PNKD: variants seen among roughly 807,000 people sequenced by gnomAD.
The protein encoded by PNKD is probable thioesterase PNKD.
In PNKD, 36 loss-of-function variants were observed where a neutral mutation model predicts 45.3. The observed-to-expected ratio is 0.80, with a 90% confidence interval of 0.61 to 1.05. PNKD has a LOEUF of 1.05. Among genes scored for constraint, PNKD ranks in the 50% least tolerant of loss-of-function variants. The pLI, the probability that PNKD is intolerant of heterozygous loss-of-function variation, is 0.00. For synonymous variants in PNKD, 197 were observed against 210.1 expected, an observed-to-expected ratio of 0.94 and a Z score of 0.54; for missense variants, 511 against 506.6, an observed-to-expected ratio of 1.01 and a Z score of -0.08.
At chr2:218,299,389 G>T (rs947450269) in intron 2 of PNKD, among the ~76,000 whole-genome samples, 1 of 152,154 alleles carries the variant, frequency 6.6e-6, no homozygotes, top group Admixed American at 6.6e-5. Flanking sequence ...TGATCCACCT[G>T]CCTCAGCCTC....
intron 2 of PNKD, among the ~76,000 whole-genome samples, chr2:218,319,371 C>CCTTTT (rs1693914668): frequency 1.2e-5 from 1 of 80,216 alleles, no homozygotes; most frequent in South Asian, 5.0e-4. Flanking sequence ...TCTTGTTTGT[C>CCTTTT]TTTTTTTTTT....
intron 2 of PNKD, chr2:218,280,193 C>T (rs1691744144): frequency 1.7e-6 from 2 of 1,161,782 alleles, no homozygotes; most frequent in Non-Finnish European, 1.3e-6. Flanking sequence ...CAAAGCCTCC[C>T]TGACAATCTC....
In PNKD at chr2:218,343,754, C is replaced by G. The variant is rs2279016; in HGVS notation, c.868+168C>G. On this transcript the variant is annotated intron_variant, in intron 8 of 9. Transcript: ENST00000273077. ...GGACAGAGTTCTGGCCTCCCTTCTT[C>G]CTGGAGTGCTGGCTCCGTACCACCT... Among the ~76,000 whole-genome samples, 12,634 of 152,242 alleles carry G rather than the reference C, an allele frequency of 0.083. 1,124 individuals are homozygous for G. Among genetic ancestry groups the G allele is most frequent in the African/African-American group, 0.23 (9,339 of 41,502 alleles).
intron 2 of PNKD, chr2:218,275,231 A>G (rs1691075209): frequency 4.9e-6 from 2 of 405,848 alleles, no homozygotes; most frequent in Non-Finnish European, 8.7e-6. Flanking sequence ...GGGAGAAGAC[A>G]CATCTTCAGC....
intron 2 of PNKD, chr2:218,323,509 A>C: frequency 1.7e-6 from 1 of 586,362 alleles, no homozygotes; most frequent in Non-Finnish European, 2.3e-6. Flanking sequence ...CGGGGGCTGG[A>C]GCTGGGGGTG....
At position 218,279,388 on chromosome 2, in the gene PNKD, G is replaced by T. The variant is rs150890717; in HGVS notation, c.236+7839G>T. Reference sequence around the variant, plus strand: ...GACGGCCGGGCATGGGTCACCATCCGGCACCCCTGGCCTGCCCCAGGAAGC... The same window carrying T: ...GACGGCCGGGCATGGGTCACCATCCTGCACCCCTGGCCTGCCCCAGGAAGC... On this transcript the variant is annotated intron_variant, in intron 2 of 9. Coordinates refer to ENST00000273077, the MANE Select transcript of PNKD (RefSeq NM_015488.5). 14,347 of 1,522,444 alleles carry T rather than the reference G, an allele frequency of 9.4e-3. 89 individuals carry two copies. The highest frequency in any genetic ancestry group is 0.011 in the Non-Finnish European group (13,022 of 1,134,688). The allele number at this position is 1,522,444 out of a possible 1,614,324, so 94.3% of individuals were successfully genotyped here.
chr2:218,344,559 C>T lies in PNKD; in HGVS notation c.973C>T (p.Arg325Cys), dbSNP rs149750691. Residue 325 changes from arginine to cysteine, a missense_variant, in exon 9 of 10, where the codon CGC (arginine) becomes TGC (cysteine). Coordinates refer to ENST00000273077, the MANE Select transcript of PNKD (RefSeq NM_015488.5). ...MQWVQRQRLE[R>C]KGTCPSTLGE... ...GTGGGTGCAGCGGCAGCGGCTGGAG[C>T]GCAAGGGCACGGTGAGGGACTCGGG... 43 of 1,587,104 alleles carry T rather than the reference C, an allele frequency of 2.7e-5. No individual in the cohort carries two copies. The highest frequency in any genetic ancestry group is 1.4e-4 in the East Asian group (6 of 43,394).
chr2:218,333,177 T>G (rs112245539), intron 2 of PNKD, among the ~76,000 whole-genome samples: 1,568 of 152,296 alleles, frequency 0.01, 32 homozygotes, highest in African/African-American at 0.036. Flanking sequence ...GGCCCTCCCT[T>G]TCCCCACATT....
chr2:218,333,044 C>T (rs775669125), intron 2 of PNKD, among the ~76,000 whole-genome samples: 1 of 152,168 alleles, frequency 6.6e-6, no homozygotes, highest in Non-Finnish European at 1.5e-5. Flanking sequence ...CCTCTGGGGA[C>T]GAGGCCTTCC....
chr2:218,329,027 G>A (rs1694236568), intron 2 of PNKD, among the ~76,000 whole-genome samples: 2 of 152,266 alleles, frequency 1.3e-5, no homozygotes, highest in Non-Finnish European at 1.5e-5. Flanking sequence ...GGTCAACATG[G>A]CGAAACCCCA....
Position 218,279,966 on chromosome 2 carries a change from C to CT in PNKD, c.236+8419dup, listed in dbSNP as rs1211204931. The stretch of plus-strand genomic sequence containing the variant: ...CCCTGGGGCTACTGTGGCCTACCCA[C>CT]TTCCCATTCCCACAGCCTGAGGGGC... On this transcript the variant is annotated intron_variant, in intron 2 of 9. Transcript: ENST00000273077. 40 of 1,307,394 alleles carry CT rather than the reference C, an allele frequency of 3.1e-5. 1 individual carries two copies. In the South Asian group the frequency reaches 4.7e-4, roughly 15 times the overall value. The allele number at this position is 1,307,394 out of a possible 1,614,324, so 81.0% of individuals were successfully genotyped here. A position where few individuals can be genotyped will look rare whatever the true frequency, so the allele number is the denominator to read the frequency against.
At chr2:218,308,450 G>A (rs1341764480) in intron 2 of PNKD, among the ~76,000 whole-genome samples, 1 of 151,958 alleles carries the variant, frequency 6.6e-6, no homozygotes, top group Non-Finnish European at 1.5e-5. Context: ...GCCTCCCAAA[G>A]TGCTGGGATT....
At chr2:218,298,972 A>AC (rs1397065560) in intron 2 of PNKD, among the ~76,000 whole-genome samples, 1 of 151,452 alleles carries the variant, frequency 6.6e-6, no homozygotes, top group African/African-American at 2.4e-5. Context: ...CAATAACTGC[A>AC]CCCCCTCCAT....
At chr2:218,281,924 C>G (rs1692046642) in intron 2 of PNKD, 2 of 1,574,858 alleles carry the variant, frequency 1.3e-6, no homozygotes, top group Non-Finnish European at 8.6e-7. Flanking sequence ...CTTCCATCTG[C>G]CCTTCCAGGA....
In PNKD at chr2:218,340,002, C is replaced by T. The variant is rs1054108927; in HGVS notation, c.353-27C>T. On this transcript the variant is annotated intron_variant, in intron 3 of 9. Coordinates refer to ENST00000273077, the MANE Select transcript of PNKD (RefSeq NM_015488.5). The surrounding 1 kb of genome is among the most constrained non-coding windows in gnomAD (Gnocchi z 4.2). ...GCCCCTGGGCTCCCTGCCTGTTACC[C>T]CGCCCACAGCCCATCTCTGTCCCCA... is the stretch of plus-strand genomic sequence containing the variant. 1 of 1,546,486 alleles carries T rather than the reference C, an allele frequency of 6.5e-7. No homozygotes were observed. The highest frequency in any genetic ancestry group is 8.9e-7 in the Non-Finnish European group (1 of 1,118,542).
At chr2:218,329,929 C>G (rs1694270240) in intron 2 of PNKD, among the ~76,000 whole-genome samples, 1 of 152,202 alleles carries the variant, frequency 6.6e-6, no homozygotes, top group South Asian at 2.1e-4. Flanking sequence ...ACTTTCAGTT[C>G]TGTTTCATTA....
chr2:218,314,556 C>T (rs1348652269), intron 2 of PNKD, among the ~76,000 whole-genome samples: 1 of 151,840 alleles, frequency 6.6e-6, no homozygotes, highest in African/African-American at 2.4e-5. Flanking sequence ...TTTCTTGATT[C>T]TTTTGAGTTT....
intron 2 of PNKD, chr2:218,279,030 A>G (rs748628919): frequency 1.2e-6 from 2 of 1,614,144 alleles, no homozygotes; most frequent in Non-Finnish European, 1.7e-6. Context: ...AGAGGAGCAC[A>G]CACTCACTAG....
At chr2:218,293,156 G>C (rs959095674) in intron 2 of PNKD, among the ~76,000 whole-genome samples, 1 of 152,220 alleles carries the variant, frequency 6.6e-6, no homozygotes, top group Admixed American at 6.5e-5. Context: ...CAGGAAAGCA[G>C]GTGCTTTCCT....
Sources: allele counts gnomAD v4.1 joint callset (sites outside exome capture counted in the v4.1 genomes callset), GRCh38; gene constraint gnomAD v4.1.1; non-coding constraint Gnocchi (gnomAD v3.1); transcripts MANE v1.5; gene names NCBI Gene and HGNC (gene_info 2026-07-23, HGNC 2026-07-21).